The following UGDH variants were observed in gnomAD, a reference collection of about 807,000 sequenced individuals.
The protein encoded by UGDH is UDP-glucose 6-dehydrogenase, also known as UDP-Glc dehydrogenase.
Under a neutral mutation model 50.6 loss-of-function variants are expected in UGDH, and 38 were observed. That is an observed-to-expected ratio of 0.75 (90% CI 0.58 to 0.98). The LOEUF (loss-of-function observed/expected upper bound fraction) is 0.98, where lower values mean the gene tolerates loss of function less well. Among genes scored for constraint, UGDH ranks in the 50% least tolerant of loss-of-function variants. UGDH has a pLI of 0.00. For missense variants in UGDH, 465 were observed against 606.2 expected (o/e 0.77, Z 2.45); for synonymous variants, 168 against 199.9 (o/e 0.84, Z 1.35).
intron 11 of UGDH, among the ~76,000 whole-genome samples, chr4:39,503,509 G>A (rs748982673): frequency 6.6e-6 from 1 of 152,142 alleles, no homozygotes; most frequent in Non-Finnish European, 1.5e-5. Context: ...CCTTTAGATC[G>A]CAAATTTAGG....
Position 39,516,079 on chromosome 4 carries a change from G to T in UGDH, c.163-1895C>A, listed in dbSNP as rs561554342. On this transcript the variant is annotated intron_variant, in intron 2 of 11. Coordinates refer to ENST00000316423, the MANE Select transcript of UGDH (RefSeq NM_003359.4). ...ACTGGTTGAAGCACAACTATTGTGGGCTACCAGCCTGGGCAACATGGCGAA... is the reference window on the plus strand; with the variant it reads ...ACTGGTTGAAGCACAACTATTGTGGTCTACCAGCCTGGGCAACATGGCGAA... Among the ~76,000 whole-genome samples the T allele has an allele frequency of 1.8e-3, 272 of 152,198 alleles. 1 individual carries two copies. The highest frequency in any genetic ancestry group is 6.2e-3 in the African/African-American group (258 of 41,526).
chr4:39,522,695 T>C (rs1305798042), intron 1 of UGDH, among the ~76,000 whole-genome samples: 1 of 152,008 alleles, frequency 6.6e-6, no homozygotes, highest in Non-Finnish European at 1.5e-5. Context: ...GTTAATAAAC[T>C]ACCAATCTGG....
intron 10 of UGDH, 98 bp downstream of exon 10, chr4:39,504,318 AC>A: frequency 4.4e-6 from 5 of 1,128,214 alleles, no homozygotes; most frequent in African/African-American, 3.2e-5. Context: ...AAAAAAAAAA[AC>A]AAAAAAACAA....
intron 1 of UGDH, 90 bp from the exon 2 acceptor site, chr4:39,521,609 G>A: frequency 9.2e-7 from 1 of 1,083,932 alleles, no homozygotes; most frequent in Non-Finnish European, 1.2e-6. Flanking sequence ...TATAAAAACT[G>A]TCAAGGTGAC....
intron 1 of UGDH, among the ~76,000 whole-genome samples, chr4:39,522,764 C>CTTT (rs5857683): frequency 7.5e-6 from 1 of 133,714 alleles, no homozygotes; most frequent in Non-Finnish European, 1.6e-5. Context: ...TCCCTCATGA[C>CTTT]TTTTTTTTTT....
intron 1 of UGDH, 23 bp downstream of exon 1, chr4:39,527,260 G>T: frequency 3.7e-6 from 2 of 540,434 alleles, no homozygotes; most frequent in Admixed American, 3.7e-5. Context: ...GGGCGGCGGG[G>T]CCAGCCTGGG....
chr4:39,521,305 C>T (rs1746651068), intron 2 of UGDH, 46 bp downstream of exon 2: 1 of 1,511,054 alleles, frequency 6.6e-7, no homozygotes, highest in African/African-American at 1.4e-5. Context: ...ATAATAAAGA[C>T]AGTAAGAAAA....
intron 1 of UGDH, among the ~76,000 whole-genome samples, chr4:39,522,144 A>G (rs1746687558): frequency 6.6e-6 from 1 of 152,246 alleles, no homozygotes; most frequent in African/African-American, 2.4e-5. Flanking sequence ...TAATTACCAA[A>G]GCTGTTACAC....
Position 39,503,944 on chromosome 4 carries a change from TG to T in UGDH, c.1304del (p.Pro435GlnfsTer68). ...CACGCCGTCCATCGAAGATAAAGGC[TG>T]GCTTTAGCATTTTTTTATGAATGCG... ...YERIHKKMLK[P>X]AFIFDGRRVL... is the part of the protein sequence containing the mutation. On this transcript the variant is annotated frameshift_variant, in exon 11 of 12. Coordinates refer to ENST00000316423, the MANE Select transcript of UGDH (RefSeq NM_003359.4). LOFTEE classifies it high-confidence loss of function. The T allele has an allele frequency of 6.2e-7, 1 of 1,614,200 alleles. No homozygotes were observed. Among genetic ancestry groups the T allele is most frequent in the Non-Finnish European group, 8.5e-7 (1 of 1,180,024 alleles).
At chr4:39,521,081 A>G (rs919149484) in intron 2 of UGDH, among the ~76,000 whole-genome samples, 2 of 151,586 alleles carry the variant, frequency 1.3e-5, no homozygotes, top group Non-Finnish European at 2.9e-5. Flanking sequence ...AAAAAAAAAA[A>G]AAAAAAAAAG....
chr4:39,506,970 C>G (rs112008384), intron 7 of UGDH, among the ~76,000 whole-genome samples: 4 of 152,012 alleles, frequency 2.6e-5, no homozygotes, highest in African/African-American at 9.7e-5. Flanking sequence ...CTAGGCTGGA[C>G]AACACAGTGA....
chr4:39,507,153 T>C (rs1312109649), intron 7 of UGDH, among the ~76,000 whole-genome samples: 1 of 152,214 alleles, frequency 6.6e-6, no homozygotes, highest in Non-Finnish European at 1.5e-5. Context: ...TCCATGTCAG[T>C]TCCCTCATCA....
At chr4:39,511,710 C>CTT (rs59465226) in intron 3 of UGDH, among the ~76,000 whole-genome samples, 8 of 134,780 alleles carry the variant, frequency 5.9e-5, no homozygotes, top group South Asian at 2.4e-4. Context: ...CAAAGACTTG[C>CTT]TTTTTTTTTT....
At chr4:39,509,708 C>T in intron 6 of UGDH, 52 bp downstream of exon 6, 1 of 1,566,708 alleles carries the variant, frequency 6.4e-7, no homozygotes, top group Admixed American at 2.0e-5. Context: ...AAATAATATG[C>T]CTTCAGTAAA....
chr4:39,501,552 C>T (rs1040438395), intron 11 of UGDH, among the ~76,000 whole-genome samples: 2 of 152,264 alleles, frequency 1.3e-5, no homozygotes, highest in East Asian at 1.9e-4. Flanking sequence ...GGATTACAGG[C>T]GTGAGCCACC....
rs1416127760 is a variant in UGDH, at chr4:39,500,093, C to G, written c.*50G>C. 2 of 1,126,040 alleles carry G rather than the reference C, an allele frequency of 1.8e-6. No homozygotes were observed. The highest frequency in any genetic ancestry group is 1.5e-5 in the South Asian group (1 of 64,690). The allele number at this position is 1,126,040 out of a possible 1,614,324, so 69.8% of individuals were successfully genotyped here. A position where few individuals can be genotyped will look rare whatever the true frequency, so the allele number is the denominator to read the frequency against. On this transcript the variant is annotated 3_prime_UTR_variant, in exon 12 of 12. Coordinates refer to ENST00000316423, the MANE Select transcript of UGDH (RefSeq NM_003359.4). ...TAATAGCAGATAGATATTTGCTATC[C>G]TGAAGTACCAAAAAAAAAAAAAAAA...
intron 2 of UGDH, 105 bp from the exon 3 acceptor site, chr4:39,514,289 T>C: frequency 2.1e-6 from 2 of 943,650 alleles, no homozygotes; most frequent in South Asian, 2.9e-5. Flanking sequence ...AATATTGTAA[T>C]TTAAAGGTCT....
chr4:39,510,235 G>A, intron 5 of UGDH, 118 bp downstream of exon 5: 1 of 1,022,492 alleles, frequency 9.8e-7, no homozygotes, highest in East Asian at 2.4e-5. Context: ...GCAAGAATAT[G>A]ATCTTCAAAA....
At chr4:39,513,203 G>A (rs1471203002) in intron 3 of UGDH, among the ~76,000 whole-genome samples, 4 of 152,114 alleles carry the variant, frequency 2.6e-5, no homozygotes, top group Admixed American at 2.6e-4. Flanking sequence ...TGGTTACTAG[G>A]ACAGCAAGAT....
Sources: gnomAD v4.1 joint callset for allele counts (sites outside exome capture counted in the v4.1 genomes callset) on GRCh38, gnomAD v4.1.1 for gene constraint, MANE v1.5 for transcripts, NCBI Gene and HGNC (gene_info 2026-07-23, HGNC 2026-07-21) for gene names.